ARHGEF1: variants seen among roughly 807,000 people sequenced by gnomAD.
The protein encoded by ARHGEF1 is 115 kDa guanine nucleotide exchange factor.
A neutral mutation model predicts 119.7 loss-of-function variants in ARHGEF1; 40 were observed. The observed-to-expected ratio is 0.33, with a 90% CI of 0.26 to 0.44. ARHGEF1 has a LOEUF of 0.44. Among genes scored for constraint, ARHGEF1 ranks in the 20% least tolerant of loss-of-function variants. ARHGEF1 has a pLI of 1.00. For missense variants in ARHGEF1, 976 were observed against 1,268.3 expected (o/e 0.77, Z 3.50); for synonymous variants, 494 against 521.0 (o/e 0.95, Z 0.71).
Position 41,898,460 on chromosome 19 carries a change from G to A in ARHGEF1, c.1140G>A (p.Glu380=). ...AETESPEPGD[E]GEPGRSGLEL... ...TCCACAGCCCCGAGCCTGGAGATGA[G>A]GGGGAGCCGGGGCGGTCGGGACTGG... The change falls in exon 14 of 29, where the codon GAG becomes GAA. Residue 380 remains glutamate, a synonymous_variant. Coordinates refer to ENST00000354532, the MANE Select transcript of ARHGEF1 (RefSeq NM_004706.4). 3 of 1,547,154 alleles carry A rather than the reference G, an allele frequency of 1.9e-6. No homozygotes were observed. Among genetic ancestry groups the A allele is most frequent in the South Asian group, 1.2e-5 (1 of 83,622 alleles).
Position 41,902,049 on chromosome 19 carries a change from G to A in ARHGEF1, c.1414+16G>A, listed in dbSNP as rs782496419. On this transcript the variant is annotated intron_variant, in intron 15 of 28. Coordinates refer to ENST00000354532, the MANE Select transcript of ARHGEF1 (RefSeq NM_004706.4). This position sits in a 1 kb window ranked among gnomAD's most constrained non-coding sequence, Gnocchi z 6.5. ...GAGGTGCATTGTGAGTGCAGAGCCA[G>A]GGTCCCTCTGTGTACCCCACTGCCC... The A allele has an allele frequency of 6.2e-7, 1 of 1,607,976 alleles. No homozygotes were observed. Among genetic ancestry groups the A allele is most frequent in the South Asian group, 1.1e-5 (1 of 90,442 alleles).
intron 1 of ARHGEF1, among the ~76,000 whole-genome samples, chr19:41,884,872 G>T (rs1555844996): frequency 1.3e-5 from 2 of 152,160 alleles, no homozygotes; most frequent in African/African-American, 4.8e-5. Context: ...ATAGAATCAT[G>T]ATCCTGTATG....
Position 41,916,802 on chromosome 19 carries a change from TCACA to T in ARHGEF1, c.1866-6280_1866-6277del, listed in dbSNP as rs146628376. On this transcript the variant is annotated intron_variant, in intron 18 of 20. Coordinates refer to the ARHGEF1 transcript ENST00000599589. This position sits in a 1 kb window ranked among gnomAD's most constrained non-coding sequence, Gnocchi z 5.4. ...CACCCATTCACAGACACAGTCACAA[TCACA>T]CACACACACCAAGATCACGGACCCA... Among the ~76,000 whole-genome samples the T allele has an allele frequency of 2.6e-5, 4 of 151,060 alleles. No homozygotes were observed. Among genetic ancestry groups the T allele is most frequent in the African/African-American group, 7.3e-5 (3 of 40,952 alleles).
intron 8 of ARHGEF1, 78 bp from the exon 9 acceptor site, chr19:41,894,129 T>TATGTGA: frequency 2.7e-6 from 2 of 732,754 alleles, no homozygotes; most frequent in Non-Finnish European, 3.8e-6. Context: ...AGAGAGTGTG[T>TATGTGA]GTGTGAGTGT....
At chr19:41,920,902 C>T (rs528794107), upstream of ARHGEF1, among the ~76,000 whole-genome samples, 87 of 152,292 alleles carry the variant, frequency 5.7e-4, no homozygotes, top group African/African-American at 2.0e-3. Flanking sequence ...CCCACACCCC[C>T]CTCCCTCTGT....
chr19:41,915,491 T>C (rs983417159), intron 18 of ARHGEF1, among the ~76,000 whole-genome samples: 22 of 152,004 alleles, frequency 1.4e-4, no homozygotes, highest in African/African-American at 4.8e-5. Flanking sequence ...CCCACGTCTC[T>C]GTGTCCCCAT....
In ARHGEF1 at chr19:41,912,731, CTG is replaced by C. The variant is rs1250041692; in HGVS notation, c.1865+5929_1865+5930del. On this transcript the variant is annotated intron_variant, in intron 18 of 20. Transcript: ENST00000599589. ...GTTTGATTTGGGGGACTGACCAAGA[CTG>C]AGAGAGAAGGACCCACGGACTAGAG... 17 of 407,666 alleles carry C rather than the reference CTG, an allele frequency of 4.2e-5. No homozygotes were observed. The East Asian group carries it at 5.0e-4, about 12-fold the overall frequency. The allele number at this position is 407,666 out of a possible 1,614,324, so 25.3% of individuals were successfully genotyped here.
Position 41,906,916 on chromosome 19 carries a change from C to A in ARHGEF1, c.*17+113C>A, listed in dbSNP as rs1175551718. 3.1e-6 allele frequency: 3 copies of A among 967,228 alleles called. No homozygotes were observed. Among genetic ancestry groups the A allele is most frequent in the Non-Finnish European group, 3.0e-6 (2 of 664,466 alleles). The allele number at this position is 967,228 out of a possible 1,614,324, so 59.9% of individuals were successfully genotyped here. On this transcript the variant is annotated intron_variant, in intron 28 of 28. Transcript: ENST00000354532. This position sits in a 1 kb window ranked among gnomAD's most constrained non-coding sequence, Gnocchi z 4.5. ...CTCCCTCTTTGTCTTTTCTGAATCT[C>A]CCCACTCCACCTCGTGTTTCTCATC...
intron 18 of ARHGEF1, among the ~76,000 whole-genome samples, chr19:41,915,067 C>T (rs1171573589): frequency 9.0e-6 from 1 of 111,346 alleles, no homozygotes; most frequent in Non-Finnish European, 1.9e-5. Flanking sequence ...ACACCTCTCC[C>T]CCACCCATCG....
Position 41,893,275 on chromosome 19 carries a change from C to G in ARHGEF1, c.616C>G (p.His206Asp). 1.2e-6 allele frequency: 2 copies of G among 1,611,812 alleles called. No individual in the cohort carries two copies. Among genetic ancestry groups the G allele is most frequent in the South Asian group, 2.2e-5 (2 of 90,740 alleles). The change falls in exon 8 of 29, where the codon CAT (histidine) becomes GAT (aspartate). Residue 206 changes from histidine (H) to aspartate (D), a missense_variant and splice_region_variant. Physicochemically the swap from His to Asp is moderately conservative, Grantham distance 81 (BLOSUM62 -1). Coordinates refer to ENST00000354532, the MANE Select transcript of ARHGEF1 (RefSeq NM_004706.4). ...RLLMHLEEMQ[H>D]TISTDEEKSA... ...CAAACATCTCTCTTCCTCCTACAGA[C>G]ATACCATCTCTACCGACGAAGAAAA...
chr19:41,901,551 C>T (rs2074605209), intron 14 of ARHGEF1, among the ~76,000 whole-genome samples: 1 of 152,170 alleles, frequency 6.6e-6, no homozygotes. Context: ...AAGGGATCCT[C>T]CCACTTGAGC....
Position 41,888,257 on chromosome 19 carries a change from T to G in ARHGEF1, c.90T>G (p.Asp30Glu). ...GCATCATCGGGGCTGAGGATGAGGA[T>G]TTTGAGAACGAGCTGGAGACAGTGA... ...PVSIIGAEDE[D>E]FENELETNSE... Residue 30 changes from aspartate to glutamate, a missense_variant, in exon 3 of 29, where the codon GAT becomes GAG. Physicochemically the swap from Asp to Glu is conservative, Grantham distance 45. This residue lies in a region of ARHGEF1 where 519 missense variants were observed against 580.9 expected (regional missense o/e 0.89). Transcript: ENST00000354532. This position sits in a 1 kb window ranked among gnomAD's most constrained non-coding sequence, Gnocchi z 5.1. 2.5e-6 allele frequency: 4 copies of G among 1,613,906 alleles called. No homozygotes were observed. In the South Asian group the frequency reaches 4.4e-5, roughly 18 times the overall value.
At chr19:41,914,569 GTCTCCGTCTCTCCCTCCCTTTCCACCA>G (rs781957013) in intron 18 of ARHGEF1, among the ~76,000 whole-genome samples, 465 of 23,946 alleles carry the variant, frequency 0.019, 82 homozygotes, top group Admixed American at 0.065. Context: ...CACCATCTCT[GTCTCCGTCTCTCCCTCCCTTTCCACCA>G]TCTCTGTCTC....
chr19:41,884,568 C>CT, intron 1 of ARHGEF1: 1 of 1,562,960 alleles, frequency 6.4e-7, no homozygotes, highest in Non-Finnish European at 8.7e-7. Context: ...GCCGTGCACA[C>CT]TGCCACGTCC....
rs1357580894 is a variant in ARHGEF1, at chr19:41,917,730, G to A, written c.1866-5362G>A. 2.0e-5 allele frequency among the ~76,000 whole-genome samples: 3 copies of A among 151,336 alleles called. No homozygotes were observed. Among genetic ancestry groups the A allele is most frequent in the Admixed American group, 1.3e-4 (2 of 15,210 alleles). On this transcript the variant is annotated intron_variant, in intron 18 of 20. Coordinates refer to the ARHGEF1 transcript ENST00000599589. The surrounding 1 kb of genome is among the most constrained non-coding windows in gnomAD (Gnocchi z 4.8). ...AATCTGGGGACATATCTCTCCTTAC[G>A]CCACACGCCCATGTAGGACACATCT...
intron 13 of ARHGEF1, chr19:41,897,867 C>T (rs1447817612): frequency 1.4e-5 from 18 of 1,257,624 alleles, no homozygotes; most frequent in Middle Eastern, 5.7e-4. Context: ...GGTTTCTCTT[C>T]GTCTCTGTTC....
intron 14 of ARHGEF1, 51 bp from the exon 15 acceptor site, chr19:41,901,836 C>T (rs1555849055): frequency 1.9e-6 from 3 of 1,587,964 alleles, no homozygotes; most frequent in African/African-American, 2.7e-5. Context: ...GAGGTCATGC[C>T]CCCTAGTCTG....
At position 41,929,083 on chromosome 19, in the gene ARHGEF1, A is replaced by G. The variant is rs1395825423; in HGVS notation, c.296+97A>G. On this transcript the variant is annotated intron_variant, in intron 2 of 2. Transcript: ENST00000594417. Reference sequence around the variant, plus strand: ...GACCTGCCATCTATACACGCAGCACACACATGCGGACCGTAATACAGGAAG... The same window carrying G: ...GACCTGCCATCTATACACGCAGCACGCACATGCGGACCGTAATACAGGAAG... The G allele has an allele frequency of 2.8e-5, 9 of 321,028 alleles. No homozygotes were observed. The Admixed American group carries it at 3.6e-4, about 13-fold the overall frequency. 19.9% of individuals were successfully genotyped at this position (321,028 alleles called of 1,614,324 possible). A position where few individuals can be genotyped will look rare whatever the true frequency, so the allele number is the denominator to read the frequency against.
At chr19:41,897,845 T>C in intron 13 of ARHGEF1, 1 of 1,206,590 alleles carries the variant, frequency 8.3e-7, no homozygotes, top group Non-Finnish European at 1.1e-6. Flanking sequence ...TCCCCGTCTC[T>C]GTCCCTGTCC....
Sources: allele counts gnomAD v4.1 joint callset (sites outside exome capture counted in the v4.1 genomes callset), GRCh38; gene constraint gnomAD v4.1.1; regional missense constraint gnomAD v4.1.1; non-coding constraint Gnocchi (gnomAD v3.1); transcripts MANE v1.5; gene names NCBI Gene and HGNC (gene_info 2026-07-23, HGNC 2026-07-21).